The following IMPG2 variants were observed in gnomAD, a reference collection of about 807,000 sequenced individuals.
IMPG2 encodes the protein IPM 200.
In IMPG2, 91 loss-of-function variants were observed where a neutral mutation model predicts 129.2. The observed-to-expected ratio is 0.70, with a 90% CI of 0.59 to 0.84. The LOEUF is 0.84. Ranked by LOEUF, IMPG2 falls within the 40% of genes least tolerant of loss-of-function variation. The pLI, the probability that IMPG2 is intolerant of heterozygous loss-of-function variation, is 0.00. For synonymous variants in IMPG2, 510 were observed against 517.7 expected (o/e 0.99, Z 0.20); for missense variants, 1,430 against 1,461.7 (o/e 0.98, Z 0.35).
At chr3:101,299,517 A>G (rs559500230) in intron 3 of IMPG2, among the ~76,000 whole-genome samples, 60 of 152,164 alleles carry the variant, frequency 3.9e-4, no homozygotes, top group African/African-American at 1.4e-3. Context: ...ATTCTTTCTC[A>G]TCTTTCTAAG....
rs938881623 is a variant in IMPG2, at chr3:101,303,629, A to T, written c.501+517T>A. On this transcript the variant is annotated intron_variant, in intron 3 of 18. Coordinates refer to ENST00000193391, the MANE Select transcript of IMPG2 (RefSeq NM_016247.4). ...AATTTGTCTTTATGCATGTTTATTTATCCTTTGCTAAGAGTAAAACAATGT... is the reference window on the plus strand; with the variant it reads ...AATTTGTCTTTATGCATGTTTATTTTTCCTTTGCTAAGAGTAAAACAATGT... 2.6e-5 allele frequency among the ~76,000 whole-genome samples: 4 copies of T among 152,230 alleles called. No homozygotes were observed. In the South Asian group the frequency reaches 6.2e-4, roughly 24 times the overall value.
intron 2 of IMPG2, among the ~76,000 whole-genome samples, chr3:101,318,149 A>AAT (rs2058794388): frequency 8.3e-5 from 12 of 144,172 alleles, no homozygotes; most frequent in African/African-American, 2.8e-4. Flanking sequence ...AAATAGTAAT[A>AAT]AATAATAATA....
At chr3:101,234,459 T>C (rs573206540) in intron 14 of IMPG2, among the ~76,000 whole-genome samples, 1 of 152,206 alleles carries the variant, frequency 6.6e-6, no homozygotes, top group East Asian at 1.9e-4. Flanking sequence ...TAAATTCCTG[T>C]TGTTTTAAGG....
At chr3:101,256,235 G>A (rs1706607846) in intron 10 of IMPG2, among the ~76,000 whole-genome samples, 1 of 147,122 alleles carries the variant, frequency 6.8e-6, no homozygotes, top group Admixed American at 6.7e-5. Context: ...TATCTTATTT[G>A]GGAAATAAGA....
intron 10 of IMPG2, among the ~76,000 whole-genome samples, chr3:101,254,450 TG>T (rs994788314): frequency 6.6e-6 from 1 of 152,046 alleles, no homozygotes; most frequent in Admixed American, 6.6e-5. Flanking sequence ...ATGTATACAA[TG>T]TATGGTAATA....
chr3:101,249,582 G>A (rs983016795), intron 11 of IMPG2, among the ~76,000 whole-genome samples: 11 of 151,848 alleles, frequency 7.2e-5, no homozygotes, highest in Non-Finnish European at 1.0e-4. Context: ...AGAAATAGAA[G>A]CAAGATATAT....
intron 2 of IMPG2, 119 bp from the exon 3 acceptor site, chr3:101,304,431 G>A: frequency 1.1e-6 from 1 of 898,044 alleles, no homozygotes; most frequent in South Asian, 1.4e-5. Context: ...CTGGAGGGAT[G>A]TAGGAATGAT....
chr3:101,307,309 A>T (rs1440223696), intron 2 of IMPG2, among the ~76,000 whole-genome samples: 1 of 152,214 alleles, frequency 6.6e-6, no homozygotes, highest in East Asian at 1.9e-4. Flanking sequence ...CTTTGAAATA[A>T]ATGTTAATTG....
At chr3:101,294,244 GC>G (rs1707053294) in intron 3 of IMPG2, among the ~76,000 whole-genome samples, 1 of 151,114 alleles carries the variant, frequency 6.6e-6, no homozygotes, top group South Asian at 2.1e-4. Flanking sequence ...CCTCCCCTTG[GC>G]CCCCACCCCC....
intron 4 of IMPG2, among the ~76,000 whole-genome samples, chr3:101,286,732 C>T (rs1169323282): frequency 1.3e-5 from 2 of 152,156 alleles, no homozygotes; most frequent in Non-Finnish European, 2.9e-5. Flanking sequence ...AATCATTCTA[C>T]CTTCTCTGTA....
At chr3:101,308,086 C>T (rs1707222989) in intron 2 of IMPG2, among the ~76,000 whole-genome samples, 1 of 152,244 alleles carries the variant, frequency 6.6e-6, no homozygotes, top group African/African-American at 2.4e-5. Context: ...CTCCCACAGT[C>T]TTGGGCAGCT....
rs539734883 is a variant in IMPG2 at position 101,317,292 on chromosome 3, T to A, written c.334+2292A>T. 2.6e-4 allele frequency among the ~76,000 whole-genome samples: 40 copies of A among 152,200 alleles called. 2 individuals are homozygous for A. The highest frequency in any genetic ancestry group is 3.4e-3 in the Middle Eastern group (1 of 294). ...AAAGTCCAACAACGAATATTTTTTT[T>A]AAAAAAGAGAGGGGCATCCTAGTAT... is the stretch of plus-strand genomic sequence containing the variant. On this transcript the variant is annotated intron_variant, in intron 2 of 18. Coordinates refer to ENST00000193391, the MANE Select transcript of IMPG2 (RefSeq NM_016247.4).
At chr3:101,319,495 G>A (rs546090) in intron 2 of IMPG2, 89 bp downstream of exon 2, 1,178,690 of 1,513,848 alleles carry the variant, frequency 0.78, 461,772 homozygotes, top group East Asian at 0.86. Context: ...CTAAATTATC[G>A]TAAATTTTGA....
intron 3 of IMPG2, among the ~76,000 whole-genome samples, chr3:101,295,842 AT>A: frequency 6.6e-6 from 1 of 152,294 alleles, no homozygotes; most frequent in East Asian, 1.9e-4. Context: ...ATGGGAGTTC[AT>A]TCATGATTTG....
intron 2 of IMPG2, among the ~76,000 whole-genome samples, chr3:101,315,281 T>C (rs915465534): frequency 2.0e-5 from 3 of 152,192 alleles, no homozygotes; most frequent in Admixed American, 6.5e-5. Flanking sequence ...CCTGAACACA[T>C]TCTTCTTCAC....
rs937199887 is a variant in IMPG2 at position 101,224,641 on chromosome 3, G to A, written c.*2328C>T. ...CTTTAGTGCTTTGCTTTGTACATGAGTGGATGGATCTTTGCTGGGCAAACT... is the reference window on the plus strand; with the variant it reads ...CTTTAGTGCTTTGCTTTGTACATGAATGGATGGATCTTTGCTGGGCAAACT... On this transcript the variant is annotated 3_prime_UTR_variant, in exon 19 of 19. Coordinates refer to ENST00000193391, the MANE Select transcript of IMPG2 (RefSeq NM_016247.4). 1.3e-5 allele frequency: 2 copies of A among 152,182 alleles called. No individual in the cohort carries two copies. Among genetic ancestry groups the A allele is most frequent in the African/African-American group, 4.8e-5 (2 of 41,432 alleles). 9.4% of individuals were successfully genotyped at this position (152,182 alleles called of 1,614,324 possible).
intron 8 of IMPG2, 103 bp from the exon 9 acceptor site, chr3:101,267,634 T>C: frequency 1.0e-6 from 1 of 965,280 alleles, no homozygotes; most frequent in East Asian, 2.4e-5. Context: ...CTGAATTTCT[T>C]TGAAATGCTT....
intron 9 of IMPG2, among the ~76,000 whole-genome samples, chr3:101,263,634 T>A (rs1162584594): frequency 6.6e-6 from 1 of 151,628 alleles, no homozygotes; most frequent in African/African-American, 2.4e-5. Flanking sequence ...TAACAATGCA[T>A]CTCAAAGAAC....
chr3:101,274,373 A>AT (rs1354756664), intron 6 of IMPG2, among the ~76,000 whole-genome samples: 1 of 152,162 alleles, frequency 6.6e-6, no homozygotes, highest in African/African-American at 2.4e-5. Flanking sequence ...CAATGTTCTA[A>AT]TGTTCCTATG....
Sources: gnomAD v4.1 joint callset for allele counts (sites outside exome capture counted in the v4.1 genomes callset) on GRCh38, gnomAD v4.1.1 for gene constraint, MANE v1.5 for transcripts, NCBI Gene and HGNC (gene_info 2026-07-23, HGNC 2026-07-21) for gene names.